ELK3: variants seen among roughly 807,000 people sequenced by gnomAD.
ELK3 encodes ETS domain-containing protein Elk-3.
ELK3 carries 10 observed loss-of-function variants against 28.9 expected under a neutral mutation model. The ratio of observed to expected loss-of-function variants is 0.35; its 90% CI spans 0.21 to 0.59. The LOEUF (loss-of-function observed/expected upper bound fraction) is 0.59, where lower values mean the gene tolerates loss of function less well. ELK3 is among the 20% of genes least tolerant of loss of function. The pLI is 0.82. For missense variants in ELK3, 463 were observed against 517.3 expected (o/e 0.90, Z 1.02); for synonymous variants, 272 against 243.5 (o/e 1.12, Z -1.09).
rs146413864 is a variant in ELK3, at chr12:96,254,217, C to T, written c.1003-5514C>T. Among the ~76,000 whole-genome samples, 818 of 152,148 alleles carry T rather than the reference C, an allele frequency of 5.4e-3. 7 individuals carry two copies. The highest frequency in any genetic ancestry group is 0.019 in the African/African-American group (787 of 41,512). On this transcript the variant is annotated intron_variant, in intron 3 of 4. Coordinates refer to ENST00000228741, the MANE Select transcript of ELK3 (RefSeq NM_005230.4). ...GTGCATGCCTGTAATCTCAGCTACT[C>T]GGGAGGCTGAGGCAGGAGAATCGCT... is the stretch of plus-strand genomic sequence containing the variant.
intron 4 of ELK3, among the ~76,000 whole-genome samples, 199 bp downstream of exon 4, chr12:96,260,052 GACACCCATACGTGGA>G (rs1951981851): frequency 6.6e-6 from 1 of 152,054 alleles, no homozygotes; most frequent in African/African-American, 2.4e-5. Context: ...ACTCATGCCA[GACACCCATACGTGGA>G]ACAATTAGTT....
intron 1 of ELK3, among the ~76,000 whole-genome samples, chr12:96,200,423 G>A (rs1022709593): frequency 6.6e-6 from 1 of 151,860 alleles, no homozygotes; most frequent in Non-Finnish European, 1.5e-5. Context: ...ATTAAAATGC[G>A]CAGATCTTAA....
intron 1 of ELK3, among the ~76,000 whole-genome samples, chr12:96,204,643 G>C (rs895243077): frequency 6.6e-6 from 1 of 152,176 alleles, no homozygotes; most frequent in African/African-American, 2.4e-5. Context: ...TTCTAGGGTA[G>C]CTGCAGGAAT....
chr12:96,251,993 T>G (rs2137036751), intron 3 of ELK3, among the ~76,000 whole-genome samples: 1 of 152,364 alleles, frequency 6.6e-6, no homozygotes, highest in East Asian at 1.9e-4. Flanking sequence ...AGATGCCATC[T>G]AGGACTTTCA....
chr12:96,216,363 G>A (rs191190790), intron 1 of ELK3, among the ~76,000 whole-genome samples: 6 of 152,348 alleles, frequency 3.9e-5, no homozygotes, highest in Admixed American at 3.9e-4. Flanking sequence ...ACCAGTGTTT[G>A]TTAAGCTGGA....
intron 2 of ELK3, among the ~76,000 whole-genome samples, chr12:96,230,335 C>T (rs576930258): frequency 6.6e-6 from 1 of 152,270 alleles, no homozygotes; most frequent in African/African-American, 2.4e-5. Context: ...CAGAACGTAG[C>T]CTCATCGTTA....
chr12:96,222,826 G>A (rs1951671972), intron 1 of ELK3: 1 of 153,028 alleles, frequency 6.5e-6, no homozygotes, highest in African/African-American at 2.4e-5. Flanking sequence ...TGGGCTCACA[G>A]TTCTGCAGGC....
intron 1 of ELK3, among the ~76,000 whole-genome samples, chr12:96,210,561 GCACGCACA>G (rs1460692459): frequency 1.5e-4 from 22 of 144,848 alleles, no homozygotes; most frequent in East Asian, 8.3e-4. Flanking sequence ...GCGCGCGGGC[GCACGCACA>G]CACACACACA....
At chr12:96,204,999 T>A (rs1951530762) in intron 1 of ELK3, among the ~76,000 whole-genome samples, 1 of 152,212 alleles carries the variant, frequency 6.6e-6, no homozygotes, top group Admixed American at 6.5e-5. Context: ...GGATGTGGGC[T>A]GCAAGAGGGA....
chr12:96,240,053 A>G (rs1269863157), intron 2 of ELK3, among the ~76,000 whole-genome samples: 1 of 152,212 alleles, frequency 6.6e-6, no homozygotes, highest in African/African-American at 2.4e-5. Flanking sequence ...TTTTCGTCAC[A>G]GTGGATGTCA....
chr12:96,222,387 A>G (rs1951668479), intron 1 of ELK3, among the ~76,000 whole-genome samples: 1 of 151,964 alleles, frequency 6.6e-6, no homozygotes, highest in African/African-American at 2.4e-5. Context: ...GTTGAAGGAA[A>G]AGGATAACAT....
chr12:96,216,613 C>T lies in ELK3; in HGVS notation c.-2-6952C>T, dbSNP rs575329657. Among the ~76,000 whole-genome samples the T allele has an allele frequency of 3.8e-3, 582 of 152,256 alleles. 7 individuals are homozygous for T. Among genetic ancestry groups the T allele is most frequent in the African/African-American group, 0.013 (538 of 41,544 alleles). The stretch of plus-strand genomic sequence containing the variant: ...ACAATGCCTTCTAGCCTGGTGAAGG[C>T]CATGTGACTCCACAGCAAGCTCTGT... On this transcript the variant is annotated intron_variant, in intron 1 of 4. Transcript: ENST00000228741.
At chr12:96,233,200 T>C (rs551273795) in intron 2 of ELK3, among the ~76,000 whole-genome samples, 1 of 152,316 alleles carries the variant, frequency 6.6e-6, no homozygotes, top group South Asian at 2.1e-4. Flanking sequence ...ATCCCCATAA[T>C]GTGGGCAACT....
At chr12:96,208,960 G>T (rs1179197308) in intron 1 of ELK3, among the ~76,000 whole-genome samples, 1 of 152,228 alleles carries the variant, frequency 6.6e-6, no homozygotes, top group Non-Finnish European at 1.5e-5. Context: ...CAGCACAGCT[G>T]TGCAGACTTC....
At chr12:96,226,002 C>T (rs1408486100) in intron 2 of ELK3, among the ~76,000 whole-genome samples, 1 of 152,074 alleles carries the variant, frequency 6.6e-6, no homozygotes, top group Non-Finnish European at 1.5e-5. Context: ...TGTGGAAGTG[C>T]ATGCCTGTAG....
intron 1 of ELK3, among the ~76,000 whole-genome samples, chr12:96,222,141 G>T (rs1218484465): frequency 6.6e-6 from 1 of 152,130 alleles, no homozygotes; most frequent in East Asian, 1.9e-4. Flanking sequence ...TAAATGTAAT[G>T]AGGATTGATA....
intron 1 of ELK3, among the ~76,000 whole-genome samples, chr12:96,215,328 CTG>C (rs1951604841): frequency 6.6e-6 from 1 of 152,170 alleles, no homozygotes; most frequent in Non-Finnish European, 1.5e-5. Context: ...CATAAGGGGT[CTG>C]TGCGGCCCTT....
intron 2 of ELK3, among the ~76,000 whole-genome samples, chr12:96,229,169 C>G (rs1018979836): frequency 6.6e-6 from 1 of 152,216 alleles, no homozygotes; most frequent in Non-Finnish European, 1.5e-5. Context: ...AAGTGCACAC[C>G]ATTTATGTCA....
chr12:96,240,835 A>T (rs1592683809), intron 2 of ELK3, among the ~76,000 whole-genome samples: 1 of 152,146 alleles, frequency 6.6e-6, no homozygotes, highest in South Asian at 2.1e-4. Context: ...CCTCGCGGGG[A>T]GGAAAACGGA....
Sources: allele counts gnomAD v4.1 joint callset (sites outside exome capture counted in the v4.1 genomes callset), GRCh38; gene constraint gnomAD v4.1.1; transcripts MANE v1.5; gene names NCBI Gene and HGNC (gene_info 2026-07-23, HGNC 2026-07-21).